RASGRF2: variants seen among roughly 807,000 people sequenced by gnomAD.
The protein encoded by RASGRF2 is Ras protein specific guanine nucleotide releasing factor 2.
A neutral mutation model predicts 151.0 loss-of-function variants in RASGRF2; 76 were observed. The ratio of observed to expected loss-of-function variants is 0.50; its 90% CI spans 0.42 to 0.61. The LOEUF (loss-of-function observed/expected upper bound fraction) is 0.61, where lower values mean the gene tolerates loss of function less well. RASGRF2 is among the 20% of genes least tolerant of loss of function. RASGRF2 has a pLI of 0.00. For synonymous variants in RASGRF2, 504 were observed against 566.5 expected (o/e 0.89, Z 1.57); for missense variants, 1,148 against 1,564.6 (o/e 0.73, Z 4.49).
intron 15 of RASGRF2, among the ~76,000 whole-genome samples, chr5:81,120,916 A>T (rs558080323): frequency 1.3e-5 from 2 of 152,346 alleles, no homozygotes; most frequent in South Asian, 2.1e-4. Flanking sequence ...TTTAGAATTA[A>T]GGCTCGGGTT....
At chr5:80,991,190 C>G (rs754552932) in intron 1 of RASGRF2, among the ~76,000 whole-genome samples, 1 of 152,104 alleles carries the variant, frequency 6.6e-6, no homozygotes, top group Non-Finnish European at 1.5e-5. Flanking sequence ...TGTCTGTAAT[C>G]CCAGCACTTT....
chr5:81,046,489 T>A (rs1173342198), intron 2 of RASGRF2, among the ~76,000 whole-genome samples: 1 of 152,210 alleles, frequency 6.6e-6, no homozygotes, highest in Admixed American at 6.5e-5. Context: ...ATACTGCATT[T>A]CTAGAACACG....
intron 17 of RASGRF2, among the ~76,000 whole-genome samples, chr5:81,141,103 T>C (rs956125619): frequency 2.6e-5 from 4 of 152,170 alleles, no homozygotes; most frequent in African/African-American, 9.7e-5. Context: ...CACAATACTT[T>C]CATGGGCCAC....
chr5:81,116,402 A>G (rs1753158235), intron 15 of RASGRF2, among the ~76,000 whole-genome samples: 1 of 152,152 alleles, frequency 6.6e-6, no homozygotes, highest in Non-Finnish European at 1.5e-5. Context: ...CATTTCTGCA[A>G]GTATCACAAG....
intron 17 of RASGRF2, 99 bp downstream of exon 17, chr5:81,127,262 C>A: frequency 1.6e-6 from 2 of 1,229,348 alleles, no homozygotes; most frequent in South Asian, 1.4e-5. Flanking sequence ...GCAGCTCTCA[C>A]ACTGGAATCC....
chr5:81,073,105 G>C, intron 4 of RASGRF2, 94 bp from the exon 5 acceptor site: 1 of 1,422,606 alleles, frequency 7.0e-7, no homozygotes. Flanking sequence ...CATGTTTTCT[G>C]CAAAATTGAT....
chr5:81,175,591 T>G (rs754437236), intron 17 of RASGRF2, among the ~76,000 whole-genome samples: 1 of 151,670 alleles, frequency 6.6e-6, no homozygotes, highest in Non-Finnish European at 1.5e-5. Flanking sequence ...CCGTCTCTAC[T>G]AAAAATGCAA....
intron 17 of RASGRF2, among the ~76,000 whole-genome samples, chr5:81,167,342 C>T (rs961417141): frequency 6.6e-6 from 1 of 152,168 alleles, no homozygotes; most frequent in African/African-American, 2.4e-5. Context: ...GTTTCTGCCC[C>T]ATAGCAGCCT....
intron 1 of RASGRF2, among the ~76,000 whole-genome samples, chr5:80,964,461 C>G (rs1234675850): frequency 6.6e-6 from 1 of 152,098 alleles, no homozygotes; most frequent in Non-Finnish European, 1.5e-5. Flanking sequence ...CTAATTTGAA[C>G]TTCAGCTTTT....
intron 18 of RASGRF2, among the ~76,000 whole-genome samples, chr5:81,198,846 C>G (rs1337170920): frequency 6.6e-6 from 1 of 152,186 alleles, no homozygotes; most frequent in African/African-American, 2.4e-5. Flanking sequence ...TGTGTCTTTG[C>G]TATTATGAAT....
chr5:81,038,077 ATATAT>A (rs1242711132), intron 1 of RASGRF2, among the ~76,000 whole-genome samples: 1 of 152,104 alleles, frequency 6.6e-6, no homozygotes, highest in African/African-American at 2.4e-5. Context: ...TTGCTTTATG[ATATAT>A]TATTATACAG....
At chr5:81,027,210 C>T (rs758501870) in intron 1 of RASGRF2, among the ~76,000 whole-genome samples, 1 of 152,138 alleles carries the variant, frequency 6.6e-6, no homozygotes, top group Non-Finnish European at 1.5e-5. Context: ...TTTGTTAAAA[C>T]CCATAGAACC....
At chr5:81,217,892 G>A (rs1237008632) in intron 25 of RASGRF2, among the ~76,000 whole-genome samples, 7 of 151,928 alleles carry the variant, frequency 4.6e-5, no homozygotes, top group Admixed American at 6.6e-5. Flanking sequence ...ACAGGCACCT[G>A]CCACCACGCC....
rs1464073312 is a variant in RASGRF2, at chr5:81,054,800, G to A, written c.395+11817G>A. 1.2e-3 allele frequency among the ~76,000 whole-genome samples: 170 copies of A among 142,696 alleles called. 2 individuals are homozygous for A. Among genetic ancestry groups the A allele is most frequent in the Non-Finnish European group, 3.9e-4 (26 of 65,868 alleles). The allele number at this position is 142,696 out of a possible 152,430, so 93.6% of individuals were successfully genotyped here. A position where few individuals can be genotyped will look rare whatever the true frequency, so the allele number is the denominator to read the frequency against. The stretch of plus-strand genomic sequence containing the variant: ...ATTTGTTTGTGTCCTCTTTTATTTC[G>A]TTGAGCAGTGGTTTGTAGTTCTCCT... On this transcript the variant is annotated intron_variant, in intron 2 of 26. Coordinates refer to ENST00000265080, the MANE Select transcript of RASGRF2 (RefSeq NM_006909.3).
At chr5:81,029,648 C>T (rs1030087875) in intron 1 of RASGRF2, among the ~76,000 whole-genome samples, 5 of 152,190 alleles carry the variant, frequency 3.3e-5, no homozygotes, top group African/African-American at 7.2e-5. Context: ...CCCATCTGCA[C>T]GTCACCATCA....
intron 1 of RASGRF2, among the ~76,000 whole-genome samples, chr5:81,008,033 A>G (rs1480215354): frequency 2.0e-5 from 3 of 152,170 alleles, no homozygotes; most frequent in Admixed American, 2.0e-4. Flanking sequence ...TGATAGGCCA[A>G]AATTGCACTG....
At chr5:81,115,850 C>A (rs1347911908) in intron 15 of RASGRF2, among the ~76,000 whole-genome samples, 1 of 152,034 alleles carries the variant, frequency 6.6e-6, no homozygotes, top group African/African-American at 2.4e-5. Flanking sequence ...AATACAGACA[C>A]AACATAACTA....
At chr5:81,003,107 A>G (rs1414413345) in intron 1 of RASGRF2, among the ~76,000 whole-genome samples, 1 of 151,662 alleles carries the variant, frequency 6.6e-6, no homozygotes, top group African/African-American at 2.4e-5. Flanking sequence ...CCTAGGCTAG[A>G]GTGCAGTGGG....
chr5:81,121,637 C>G (rs1160547901), intron 15 of RASGRF2, among the ~76,000 whole-genome samples: 1 of 152,168 alleles, frequency 6.6e-6, no homozygotes, highest in Admixed American at 6.5e-5. Flanking sequence ...CACGTCTGTT[C>G]CAGACTCATC....
Sources: gnomAD v4.1 joint callset for allele counts (sites outside exome capture counted in the v4.1 genomes callset) on GRCh38, gnomAD v4.1.1 for gene constraint, MANE v1.5 for transcripts, NCBI Gene and HGNC (gene_info 2026-07-23, HGNC 2026-07-21) for gene names.